The following MED13L variants were observed in gnomAD, a reference collection of about 807,000 sequenced individuals.
The protein encoded by MED13L is mediator complex subunit 13L.
In MED13L, 7 loss-of-function variants were observed where a neutral mutation model predicts 220.9. That is an observed-to-expected ratio of 0.03 (90% CI 0.02 to 0.06). The LOEUF (loss-of-function observed/expected upper bound fraction) is 0.06, where lower values mean the gene tolerates loss of function less well. Ranked by LOEUF, MED13L falls within the 10% of genes least tolerant of loss-of-function variation. The pLI is 1.00. For missense variants in MED13L, 1,965 were observed against 2,760.5 expected (o/e 0.71, Z 6.46); for synonymous variants, 1,011 against 1,015.2 (o/e 1.00, Z 0.08).
chr12:116,223,072 A>C (rs1447174928), intron 2 of MED13L, among the ~76,000 whole-genome samples: 1 of 152,236 alleles, frequency 6.6e-6, no homozygotes, highest in Non-Finnish European at 1.5e-5. Context: ...AGCCTCAGCT[A>C]AGCCATATTA....
chr12:116,125,996 G>A (rs1368428833), intron 2 of MED13L, among the ~76,000 whole-genome samples: 1 of 152,068 alleles, frequency 6.6e-6, no homozygotes, highest in Non-Finnish European at 1.5e-5. Flanking sequence ...AAATTAATTT[G>A]TTTATGAATG....
At chr12:116,260,016 G>C (rs1232792984) in intron 1 of MED13L, among the ~76,000 whole-genome samples, 1 of 152,186 alleles carries the variant, frequency 6.6e-6, no homozygotes, top group East Asian at 1.9e-4. Flanking sequence ...AAGAACAGAA[G>C]AAGAATTGGG....
chr12:116,259,659 T>C (rs1216714204), intron 1 of MED13L, among the ~76,000 whole-genome samples: 2 of 152,182 alleles, frequency 1.3e-5, no homozygotes, highest in African/African-American at 2.4e-5. Context: ...CTACCTTATG[T>C]GTGATTTACA....
intron 19 of MED13L, among the ~76,000 whole-genome samples, chr12:115,986,062 T>C (rs1176290913): frequency 1.3e-5 from 2 of 152,190 alleles, no homozygotes; most frequent in African/African-American, 4.8e-5. Context: ...GGGAACGTTT[T>C]CTAAATCTAA....
chr12:116,126,965 C>G (rs534000926), intron 2 of MED13L, among the ~76,000 whole-genome samples: 1 of 152,282 alleles, frequency 6.6e-6, no homozygotes, highest in South Asian at 2.1e-4. Context: ...ATCTACCCAC[C>G]ATTCAGAATA....
intron 2 of MED13L, among the ~76,000 whole-genome samples, chr12:116,119,837 A>ATT (rs1396200587): frequency 1.1e-5 from 1 of 88,612 alleles, no homozygotes; most frequent in African/African-American, 4.2e-5. Flanking sequence ...AAAAAAAAAA[A>ATT]AATATATATA....
intron 2 of MED13L, among the ~76,000 whole-genome samples, chr12:116,166,323 C>T (rs998930725): frequency 2.6e-5 from 4 of 152,148 alleles, no homozygotes; most frequent in African/African-American, 9.7e-5. Context: ...AAAGCAGATC[C>T]ACCCTTAATC....
chr12:116,277,152 G>A lies in MED13L; in HGVS notation c.-21C>T, dbSNP rs762779600. On this transcript the variant is annotated 5_prime_UTR_variant, in exon 1 of 31. Coordinates refer to ENST00000281928, the MANE Select transcript of MED13L (RefSeq NM_015335.5). ...GTCATGATCCTCCGCGAGCCCGGCC[G>A]CCAGAGCGGGGCATGTCGGAGCGAG... is the stretch of plus-strand genomic sequence containing the variant. 2 of 1,554,450 alleles carry A rather than the reference G, an allele frequency of 1.3e-6. No individual in the cohort carries two copies. The highest frequency in any genetic ancestry group is 1.7e-6 in the Non-Finnish European group (2 of 1,149,762).
intron 4 of MED13L, among the ~76,000 whole-genome samples, chr12:116,083,404 G>GAA (rs61301423): frequency 0.012 from 983 of 78,872 alleles, 6 homozygotes; most frequent in African/African-American, 0.025. Context: ...TGTCTCGAGG[G>GAA]AAAAAAAAAA....
intron 2 of MED13L, among the ~76,000 whole-genome samples, chr12:116,222,038 A>T (rs1055782381): frequency 2.6e-5 from 4 of 152,222 alleles, no homozygotes; most frequent in African/African-American, 9.6e-5. Context: ...CTCAAATTTT[A>T]TACAGGTAGA....
chr12:116,207,066 A>G lies in MED13L; in HGVS notation c.310+30402T>C, dbSNP rs372531937. Among the ~76,000 whole-genome samples the G allele has an allele frequency of 9.2e-5, 14 of 152,284 alleles. No individual in the cohort carries two copies. The South Asian group carries it at 1.5e-3, about 16-fold the overall frequency. ...AATCTCTAGGTATACGAATACAGTC[A>G]TATGCCGCCATGATGACGTTTCAGT... On this transcript the variant is annotated intron_variant, in intron 2 of 30. Transcript: ENST00000281928.
intron 2 of MED13L, chr12:116,236,966 C>G (rs1870137587): frequency 1.7e-6 from 1 of 581,806 alleles, no homozygotes; most frequent in Admixed American, 6.4e-5. Context: ...AGACCAGATC[C>G]CATATATTCA....
chr12:116,083,055 C>G (rs1871336882), intron 4 of MED13L, among the ~76,000 whole-genome samples: 1 of 152,104 alleles, frequency 6.6e-6, no homozygotes, highest in Admixed American at 6.5e-5. Context: ...ATTTATGAAA[C>G]AGGCTTTCAA....
At chr12:116,066,317 T>C (rs1869923088) in intron 4 of MED13L, among the ~76,000 whole-genome samples, 2 of 152,200 alleles carry the variant, frequency 1.3e-5, no homozygotes, top group Admixed American at 1.3e-4. Context: ...ATGTGGCCTA[T>C]GAGAGAAGAA....
chr12:116,052,079 A>ACG (rs141639896), intron 4 of MED13L, among the ~76,000 whole-genome samples: 2 of 29,656 alleles, frequency 6.7e-5, no homozygotes, highest in Non-Finnish European at 3.9e-4. Context: ...CTACACACAT[A>ACG]CACACACACA....
At chr12:116,193,012 C>T (rs12829563) in intron 2 of MED13L, among the ~76,000 whole-genome samples, 2,030 of 152,322 alleles carry the variant, frequency 0.013, 20 homozygotes, top group Non-Finnish European at 0.021. Context: ...CCTGTAGTCC[C>T]AGCTACTCAG....
intron 9 of MED13L, among the ~76,000 whole-genome samples, chr12:116,010,693 G>C (rs1407135823): frequency 4.6e-5 from 7 of 152,040 alleles, no homozygotes; most frequent in Non-Finnish European, 1.5e-5. Flanking sequence ...TGTAGAAATA[G>C]ATCATGACTA....
intron 29 of MED13L, among the ~76,000 whole-genome samples, chr12:115,965,398 G>A (rs1876078155): frequency 6.6e-6 from 1 of 152,148 alleles, no homozygotes; most frequent in Admixed American, 6.5e-5. Flanking sequence ...TGGGATTGCT[G>A]CCCTGAAAGG....
chr12:116,130,827 G>C (rs895126696), intron 2 of MED13L, among the ~76,000 whole-genome samples: 3 of 148,206 alleles, frequency 2.0e-5, no homozygotes, highest in African/African-American at 5.1e-5. Context: ...TACAATATAA[G>C]CTCTGAACAA....
Sources: allele counts gnomAD v4.1 joint callset (sites outside exome capture counted in the v4.1 genomes callset), GRCh38; gene constraint gnomAD v4.1.1; transcripts MANE v1.5; gene names NCBI Gene and HGNC (gene_info 2026-07-23, HGNC 2026-07-21).